The following ZFHX2 variants were observed in gnomAD, a reference collection of about 807,000 sequenced individuals.
ZFHX2 encodes the protein zinc finger homeobox 2, also known as zinc finger homeobox protein 2.
Under a neutral mutation model 164.8 loss-of-function variants are expected in ZFHX2, and 75 were observed. The ratio of observed to expected loss-of-function variants is 0.46; its 90% CI spans 0.38 to 0.55. The LOEUF (loss-of-function observed/expected upper bound fraction) is 0.55, where lower values mean the gene tolerates loss of function less well. Ranked by LOEUF, ZFHX2 falls within the 20% of genes least tolerant of loss-of-function variation. ZFHX2 has a pLI of 0.00. For synonymous variants in ZFHX2, 1,217 were observed against 1,351.4 expected, an observed-to-expected ratio of 0.90 and a Z score of 2.18; for missense variants, 2,933 against 3,308.0, an observed-to-expected ratio of 0.89 and a Z score of 2.78.
rs1158484072 is a variant in ZFHX2 at position 23,527,934 on chromosome 14, T to G, written c.2935-130A>C. 1.1e-5 allele frequency: 9 copies of G among 803,616 alleles called. No individual in the cohort carries two copies. In the African/African-American group the frequency reaches 1.6e-4, roughly 14 times the overall value. The allele number at this position is 803,616 out of a possible 1,614,324, so 49.8% of individuals were successfully genotyped here. A position where few individuals can be genotyped will look rare whatever the true frequency, so the allele number is the denominator to read the frequency against. The stretch of plus-strand genomic sequence containing the variant: ...TTTTTTTTTTTTTTTTTAGATGGAG[T>G]CTGGCTCTGTCACCCAGGCCGGAGT... On this transcript the variant is annotated intron_variant, in intron 6 of 9. Coordinates refer to ENST00000419474, the MANE Select transcript of ZFHX2 (RefSeq NM_033400.3).
Position 23,535,365 on chromosome 14 carries a change from A to G in ZFHX2, c.-40T>C, listed in dbSNP as rs1397255246. 1.4e-6 allele frequency: 2 copies of G among 1,439,436 alleles called. No homozygotes were observed. The highest frequency in any genetic ancestry group is 1.8e-6 in the Non-Finnish European group (2 of 1,099,338). 89.2% of individuals were successfully genotyped at this position (1,439,436 alleles called of 1,614,324 possible). The stretch of plus-strand genomic sequence containing the variant: ...TGCTGGGGGCTCATGTCAGCGTGAC[A>G]GCCAGTACCCTGTAGGGAGACAAGG... On this transcript the variant is annotated 5_prime_UTR_variant, in exon 2 of 10. Transcript: ENST00000419474. This position sits in a 1 kb window ranked among gnomAD's most constrained non-coding sequence, Gnocchi z 4.5.
At chr14:23,527,009 C>A (rs994930902) in intron 7 of ZFHX2, 36 bp from the exon 8 acceptor site, 1 of 1,467,178 alleles carries the variant, frequency 6.8e-7, no homozygotes, top group Non-Finnish European at 9.0e-7. Context: ...TTCACCACCA[C>A]CCCCCACTGC....
At chr14:23,549,926 A>G (rs1881787982) in intron 1 of ZFHX2, among the ~76,000 whole-genome samples, 2 of 152,240 alleles carry the variant, frequency 1.3e-5, no homozygotes, top group Admixed American at 6.5e-5. Context: ...AGGGTGATCA[A>G]GAAGAAAAGG....
rs1209421628 is a variant in ZFHX2, at chr14:23,531,683, C to A, written c.2598G>T (p.Glu866Asp). ...ACAACAGGCAGTGGTATAGCCCCAG[C>A]TCTGCCCCTGCCTCCGCTCCCTCCA... ...LDMEGAEAGA[E>D]LGLYHCLLCA... The change falls in exon 4 of 10, where the codon GAG becomes GAT. Residue 866 changes from glutamate (E) to aspartate (D), a missense_variant. By Grantham distance (45) the Glu-to-Asp change is conservative. Coordinates refer to ENST00000419474, the MANE Select transcript of ZFHX2 (RefSeq NM_033400.3). 5 of 1,412,480 alleles carry A rather than the reference C, an allele frequency of 3.5e-6. No homozygotes were observed. The highest frequency in any genetic ancestry group is 5.1e-5 in the Admixed American group (2 of 39,150). The allele number at this position is 1,412,480 out of a possible 1,614,324, so 87.5% of individuals were successfully genotyped here.
At chr14:23,544,498 T>C (rs1392773020) in intron 1 of ZFHX2, among the ~76,000 whole-genome samples, 2 of 152,186 alleles carry the variant, frequency 1.3e-5, no homozygotes, top group Non-Finnish European at 2.9e-5. Flanking sequence ...CAGTACTTCT[T>C]TGGGGTTGGT....
At position 23,524,295 on chromosome 14, in the gene ZFHX2, T is replaced by C. The variant is rs887422698; in HGVS notation, c.5647A>G (p.Thr1883Ala). ...GAGATGCAGTCGAGCATCTTGCGTG[T>C]TGGGTTGGAATCCTGCATGTACCAA... is the stretch of plus-strand genomic sequence containing the variant. The part of the protein sequence containing the change: ...YRWYMQDSNP[T>A]RKMLDCISEE... The change falls in exon 9 of 10, where the codon ACA becomes GCA. Residue 1883 changes from threonine to alanine, a missense_variant. Thr to Ala is a moderately conservative substitution (Grantham distance 58, BLOSUM62 0). Transcript: ENST00000419474. The surrounding 1 kb of genome is among the most constrained non-coding windows in gnomAD (Gnocchi z 5.6). 1.3e-6 allele frequency: 2 copies of C among 1,536,162 alleles called. No individual in the cohort carries two copies. The highest frequency in any genetic ancestry group is 1.7e-6 in the Non-Finnish European group (2 of 1,146,940).
In ZFHX2 at chr14:23,524,712, GCTC is replaced by G; in HGVS notation, c.5227_5229del (p.Glu1743del). 6.5e-7 allele frequency: 1 copy of G among 1,536,306 alleles called. No individual in the cohort carries two copies. The highest frequency in any genetic ancestry group is 2.4e-5 in the East Asian group (1 of 40,900). On this transcript the variant is annotated inframe_deletion, in exon 9 of 10. Coordinates refer to ENST00000419474, the MANE Select transcript of ZFHX2 (RefSeq NM_033400.3). The surrounding 1 kb of genome is among the most constrained non-coding windows in gnomAD (Gnocchi z 5.6). ...GCCTTTGTTGCCTCTGCTTGGCTCA[GCTC>G]CTCCCCATCTGGAGGCTCTGGTAAT...
Position 23,523,859 on chromosome 14 carries a change from C to T in ZFHX2, c.6083G>A (p.Gly2028Glu), listed in dbSNP as rs1878363399. 6.5e-7 allele frequency: 1 copy of T among 1,536,046 alleles called. No homozygotes were observed. The highest frequency in any genetic ancestry group is 2.4e-5 in the East Asian group (1 of 40,922). ...PESEACSLSA[G>E]DLSDSSASSL... Reference sequence around the variant, plus strand: ...GGAAGCAGATGAATCACTCAGATCTCCTGCAGAGAGACTGCAAGCCTCACT... The same window carrying T: ...GGAAGCAGATGAATCACTCAGATCTTCTGCAGAGAGACTGCAAGCCTCACT... The change falls in exon 9 of 10, where the codon GGA (glycine) becomes GAA (glutamate). Residue 2028 changes from glycine to glutamate, a missense_variant. Gly to Glu is a moderately conservative substitution (Grantham distance 98). Transcript: ENST00000419474. The surrounding 1 kb of genome is among the most constrained non-coding windows in gnomAD (Gnocchi z 4.1).
At position 23,533,802 on chromosome 14, in the gene ZFHX2, G is replaced by T; in HGVS notation, c.1524C>A (p.Tyr508Ter). ...GESYNCGYKP[Y>*]RCDVCNYSTT... ...TAGAGTAGTTGCAGACGTCACAGCGGTAGGGTTTGTAGCCACAGTTGTAGC... is the reference window on the plus strand; with the variant it reads ...TAGAGTAGTTGCAGACGTCACAGCGTTAGGGTTTGTAGCCACAGTTGTAGC... The change falls in exon 2 of 10, where the codon TAC becomes TAA. Residue 508 changes from tyrosine (Y) to a stop codon, truncating the protein, a stop_gained. Coordinates refer to ENST00000419474, the MANE Select transcript of ZFHX2 (RefSeq NM_033400.3). LOFTEE classifies it high-confidence loss of function. This position sits in a 1 kb window ranked among gnomAD's most constrained non-coding sequence, Gnocchi z 4.8. 1 of 1,545,982 alleles carries T rather than the reference G, an allele frequency of 6.5e-7. No individual in the cohort carries two copies. The highest frequency in any genetic ancestry group is 8.7e-7 in the Non-Finnish European group (1 of 1,152,150).
rs1881936838 is a variant in ZFHX2, at chr14:23,551,407, G to C, written c.-114C>G. On this transcript the variant is annotated 5_prime_UTR_variant, in exon 1 of 10. Coordinates refer to ENST00000419474, the MANE Select transcript of ZFHX2 (RefSeq NM_033400.3). The surrounding 1 kb of genome is among the most constrained non-coding windows in gnomAD (Gnocchi z 5.3). ...ACCGAGCAGCGCGAGGCGGGGAGGG[G>C]AGGGGGCGGCTCTTGGAAGGGACTT... The C allele has an allele frequency of 6.6e-6, 1 of 152,654 alleles. No homozygotes were observed. Among genetic ancestry groups the C allele is most frequent in the Non-Finnish European group, 1.5e-5 (1 of 68,066 alleles). 9.5% of individuals were successfully genotyped at this position (152,654 alleles called of 1,614,324 possible). A position where few individuals can be genotyped will look rare whatever the true frequency, so the allele number is the denominator to read the frequency against.
intron 6 of ZFHX2, chr14:23,528,574 C>T (rs1879088562): frequency 4.1e-6 from 4 of 982,644 alleles, no homozygotes; most frequent in Non-Finnish European, 4.8e-6. Flanking sequence ...CCCAGAGGCT[C>T]CCTTGTCCCT....
chr14:23,526,130 A>C lies in ZFHX2; in HGVS notation c.3812T>G (p.Leu1271Arg). 1 of 1,536,488 alleles carries C rather than the reference A, an allele frequency of 6.5e-7. No individual in the cohort carries two copies. The highest frequency in any genetic ancestry group is 1.4e-5 in the African/African-American group (1 of 73,126). Residue 1271 changes from leucine (L) to arginine (R), a missense_variant, in exon 9 of 10, where the codon CTG becomes CGG. Physicochemically the swap from Leu to Arg is moderately radical, Grantham distance 102 (BLOSUM62 -2). Coordinates refer to ENST00000419474, the MANE Select transcript of ZFHX2 (RefSeq NM_033400.3). Reference protein sequence around the residue: ...STLEIHMRSVLHQTRSRGTKT... With the variant: ...STLEIHMRSVRHQTRSRGTKT... ...GGTTCCCCGAGAGCGAGTCTGATGC[A>C]GAACTGACCGCATGTGGATCTCCAG...
chr14:23,530,222 T>G (rs1879357794), intron 4 of ZFHX2, 28 bp from the exon 5 acceptor site: 1 of 1,484,346 alleles, frequency 6.7e-7, no homozygotes, highest in Non-Finnish European at 9.1e-7. Context: ...AGAGTCAGCT[T>G]AAAGAGGTGT....
chr14:23,524,931 C>T lies in ZFHX2; in HGVS notation c.5011G>A (p.Gly1671Ser), dbSNP rs368892129. 4.6e-5 allele frequency: 70 copies of T among 1,536,278 alleles called. No individual in the cohort carries two copies. The highest frequency in any genetic ancestry group is 1.9e-4 in the African/African-American group (14 of 73,166). ...AAAGTGGCGTGGCAACGCCTGCAGCCGGAGGCTCCCCCAGTGCCTCCTCCG... is the reference window on the plus strand; with the variant it reads ...AAAGTGGCGTGGCAACGCCTGCAGCTGGAGGCTCCCCCAGTGCCTCCTCCG... Reference protein sequence around the residue: ...PTGGGTGGASGCRRCHATFSC... With the variant: ...PTGGGTGGASSCRRCHATFSC... Residue 1671 changes from glycine to serine, a missense_variant, in exon 9 of 10, where the codon GGC becomes AGC. Coordinates refer to ENST00000419474, the MANE Select transcript of ZFHX2 (RefSeq NM_033400.3). The surrounding 1 kb of genome is among the most constrained non-coding windows in gnomAD (Gnocchi z 5.6).
chr14:23,525,703 G>C lies in ZFHX2; in HGVS notation c.4239C>G (p.Pro1413=). The change falls in exon 9 of 10, where the codon CCC becomes CCG. Residue 1413 remains proline, a synonymous_variant. Coordinates refer to ENST00000419474, the MANE Select transcript of ZFHX2 (RefSeq NM_033400.3). The surrounding 1 kb of genome is among the most constrained non-coding windows in gnomAD (Gnocchi z 5.9). ...AELAEREWER[P]PMAKEGNEAG... ...CCTCATTACCCTCTTTGGCCATGGG[G>C]GGCCGCTCCCACTCCCGCTCAGCCA... The C allele has an allele frequency of 6.6e-7, 1 of 1,524,916 alleles. No homozygotes were observed. The allele number at this position is 1,524,916 out of a possible 1,614,324, so 94.5% of individuals were successfully genotyped here. A position where few individuals can be genotyped will look rare whatever the true frequency, so the allele number is the denominator to read the frequency against.
Position 23,525,732 on chromosome 14 carries a change from C to G in ZFHX2, c.4210G>C (p.Glu1404Gln), listed in dbSNP as rs1186263402. The change falls in exon 9 of 10, where the codon GAG becomes CAG. Residue 1404 changes from glutamate (E) to glutamine (Q), a missense_variant. By Grantham distance (29) the Glu-to-Gln change is conservative. Transcript: ENST00000419474. The surrounding 1 kb of genome is among the most constrained non-coding windows in gnomAD (Gnocchi z 5.9). ...CGCTCCCACTCCCGCTCAGCCAGCT[C>G]AGCCTTGGGAGGTTGGGGTGGAGGA... Reference protein sequence around the residue: ...PPPPPQPPKAELAEREWERPP... With the variant: ...PPPPPQPPKAQLAEREWERPP... 10 of 1,514,546 alleles carry G rather than the reference C, an allele frequency of 6.6e-6. No individual in the cohort carries two copies. Among genetic ancestry groups the G allele is most frequent in the Admixed American group, 6.0e-5 (3 of 49,670 alleles). The allele number at this position is 1,514,546 out of a possible 1,614,324, so 93.8% of individuals were successfully genotyped here. A position where few individuals can be genotyped will look rare whatever the true frequency, so the allele number is the denominator to read the frequency against.
At chr14:23,528,352 CCTT>C (rs894323545) in intron 6 of ZFHX2, among the ~76,000 whole-genome samples, 2 of 152,188 alleles carry the variant, frequency 1.3e-5, no homozygotes, top group Non-Finnish European at 2.9e-5. Context: ...ACCTTGCACT[CCTT>C]CTTTGTCTGG....
Position 23,525,264 on chromosome 14 carries a change from C to G in ZFHX2, c.4678G>C (p.Gly1560Arg). Residue 1560 changes from glycine (G) to arginine (R), a missense_variant, in exon 9 of 10, where the codon GGG becomes CGG. Gly to Arg is a moderately radical substitution (Grantham distance 125). Transcript: ENST00000419474. The surrounding 1 kb of genome is among the most constrained non-coding windows in gnomAD (Gnocchi z 5.9). ...PPFLVPEPEA[G>R]GTRAPEERSR... ...CGCTCTTCAGGGGCACGGGTCCCCC[C>G]TGCCTCAGGCTCTGGGACCAGGAAG... 1 of 1,536,132 alleles carries G rather than the reference C, an allele frequency of 6.5e-7. No individual in the cohort carries two copies. The highest frequency in any genetic ancestry group is 8.7e-7 in the Non-Finnish European group (1 of 1,146,904).
At chr14:23,543,636 C>T (rs1334646057) in intron 1 of ZFHX2, 1 of 152,286 alleles carries the variant, frequency 6.6e-6, no homozygotes, top group Non-Finnish European at 1.5e-5. Flanking sequence ...TGGCCATGCC[C>T]TGTGTGAAGG....
Sources: allele counts gnomAD v4.1 joint callset (sites outside exome capture counted in the v4.1 genomes callset), GRCh38; gene constraint gnomAD v4.1.1; non-coding constraint Gnocchi (gnomAD v3.1); transcripts MANE v1.5; gene names NCBI Gene and HGNC (gene_info 2026-07-23, HGNC 2026-07-21).